The following PCDH11X variants were observed in gnomAD, a reference collection of about 807,000 sequenced individuals.
The protein encoded by PCDH11X is protocadherin 11 X-linked, also known as protocadherin-11 X-linked.
PCDH11X carries 18 observed loss-of-function variants against 53.3 expected under a neutral mutation model. That is an observed-to-expected ratio of 0.34 (90% confidence interval 0.23 to 0.50). The LOEUF is 0.50. Ranked by LOEUF, PCDH11X falls within the 20% of genes least tolerant of loss-of-function variation. The pLI is 0.98. For missense variants in PCDH11X, 570 were observed against 1,032.4 expected, an observed-to-expected ratio of 0.55 and a Z score of 6.14; for synonymous variants, 279 against 393.3, an observed-to-expected ratio of 0.71 and a Z score of 3.44.
At chrX:92,243,169 C>T (rs1371111192) in intron 7 of PCDH11X, among the ~76,000 whole-genome samples, 2 of 111,486 alleles carry the variant, frequency 1.8e-5, no homozygotes, top group East Asian at 5.6e-4. Flanking sequence ...TTTGCCTAAC[C>T]TTAAATTCTG....
chrX:92,337,380 G>A (rs1033951976), intron 8 of PCDH11X, among the ~76,000 whole-genome samples: 2 of 108,721 alleles, frequency 1.8e-5, no homozygotes, highest in African/African-American at 6.7e-5. Flanking sequence ...TAGACCTCTG[G>A]TTTCTGCCAA....
At chrX:92,105,564 G>C (rs756202483) in intron 6 of PCDH11X, among the ~76,000 whole-genome samples, 1 of 108,684 alleles carries the variant, frequency 9.2e-6, no homozygotes, top group East Asian at 3.0e-4. Flanking sequence ...GGGTGGGGCC[G>C]TTTTATAAGA....
chrX:92,383,461 G>T (rs1330812716), intron 8 of PCDH11X, among the ~76,000 whole-genome samples: 9 of 109,682 alleles, frequency 8.2e-5, no homozygotes, highest in Non-Finnish European at 1.7e-4. Flanking sequence ...TTCTCCTAAT[G>T]CTATCCCTCC....
At chrX:92,255,520 A>C (rs1361734691) in intron 7 of PCDH11X, among the ~76,000 whole-genome samples, 30 of 108,147 alleles carry the variant, frequency 2.8e-4, no homozygotes, top group African/African-American at 8.1e-4. Context: ...AGGCGCTCTG[A>C]TTTTTAGAGT....
intron 6 of PCDH11X, among the ~76,000 whole-genome samples, chrX:91,895,164 C>T (rs998475021): frequency 9.0e-6 from 1 of 111,696 alleles, no homozygotes; most frequent in Admixed American, 9.5e-5. Context: ...CTGTGGTATA[C>T]TTCAGTCAAA....
At chrX:91,809,056 T>A (rs1241583051) in intron 1 of PCDH11X, among the ~76,000 whole-genome samples, 1 of 106,345 alleles carries the variant, frequency 9.4e-6, no homozygotes, top group Non-Finnish European at 1.9e-5. Flanking sequence ...AAGTAAATTA[T>A]ATTACTTAGT....
intron 10 of PCDH11X, among the ~76,000 whole-genome samples, chrX:92,512,587 G>T (rs2074182746): frequency 9.0e-6 from 1 of 111,595 alleles, no homozygotes; most frequent in African/African-American, 3.3e-5. Context: ...GCAAAAGAAA[G>T]AAAAATGTCT....
chrX:91,963,008 C>T (rs1200555958), intron 6 of PCDH11X, among the ~76,000 whole-genome samples: 1 of 111,378 alleles, frequency 9.0e-6, no homozygotes, highest in Non-Finnish European at 1.9e-5. Context: ...CCCCCTAAGC[C>T]TCTAGGCCTG....
At chrX:92,524,674 C>T (rs1404194635) in intron 10 of PCDH11X, among the ~76,000 whole-genome samples, 5 of 109,712 alleles carry the variant, frequency 4.6e-5, no homozygotes, top group Admixed American at 9.8e-5. Flanking sequence ...TTAAATTTAT[C>T]ATCTGGTATT....
intron 10 of PCDH11X, among the ~76,000 whole-genome samples, chrX:92,519,360 A>G (rs2074329193): frequency 9.2e-6 from 1 of 108,707 alleles, no homozygotes; most frequent in South Asian, 4.1e-4. Flanking sequence ...ACATGATACA[A>G]AATTGATCTC....
At chrX:92,364,728 C>T (rs1350851431) in intron 8 of PCDH11X, among the ~76,000 whole-genome samples, 1 of 107,104 alleles carries the variant, frequency 9.3e-6, no homozygotes, top group Non-Finnish European at 1.9e-5. Context: ...GCCAAAAACA[C>T]ATTTTATAGC....
At chrX:92,123,741 C>T (rs1282728803) in intron 6 of PCDH11X, among the ~76,000 whole-genome samples, 2 of 106,186 alleles carry the variant, frequency 1.9e-5, no homozygotes, top group East Asian at 3.1e-4. Context: ...CCTAGAGTCT[C>T]GCAAACTTTC....
chrX:91,971,748 T>C (rs1053103723), intron 6 of PCDH11X, among the ~76,000 whole-genome samples: 7 of 112,030 alleles, frequency 6.2e-5, no homozygotes, highest in African/African-American at 2.3e-4. Context: ...GCTGATCTGT[T>C]CAGTTTTAAG....
In PCDH11X at chrX:92,324,015, T is replaced by G. The variant is rs1309022753; in HGVS notation, c.3144+60872T>G. Among the ~76,000 whole-genome samples, 6 of 105,420 alleles carry G rather than the reference T, an allele frequency of 5.7e-5. No individual in the cohort carries two copies. The East Asian group carries it at 1.8e-3, about 31-fold the overall frequency. 91.5% of individuals were successfully genotyped at this position (105,420 alleles called of 115,157 possible). ...ATCTAAGCCTATATAATATATTCTG[T>G]ATTTCTTTATTAAAATCATCTTAAG... is the stretch of plus-strand genomic sequence containing the variant. On this transcript the variant is annotated intron_variant, in intron 8 of 10. Coordinates refer to ENST00000682573, the MANE Select transcript of PCDH11X (RefSeq NM_032968.5).
At chrX:92,195,726 C>A (rs2066282503) in intron 6 of PCDH11X, among the ~76,000 whole-genome samples, 1 of 111,793 alleles carries the variant, frequency 8.9e-6, no homozygotes, top group Non-Finnish European at 1.9e-5. Flanking sequence ...CCATAGCTAT[C>A]AAATTGTTCT....
chrX:91,980,801 T>C (rs1474273175), intron 6 of PCDH11X, among the ~76,000 whole-genome samples: 2 of 108,984 alleles, frequency 1.8e-5, no homozygotes, highest in African/African-American at 6.7e-5. Flanking sequence ...ACATATCAAA[T>C]TATAAAACTG....
chrX:92,205,380 T>G (rs1167027910), intron 7 of PCDH11X, among the ~76,000 whole-genome samples: 1 of 111,393 alleles, frequency 9.0e-6, no homozygotes, highest in East Asian at 2.8e-4. Context: ...AGAATTATAC[T>G]ACTAGTTTAT....
intron 7 of PCDH11X, among the ~76,000 whole-genome samples, chrX:92,258,651 G>T (rs1244893126): frequency 8.9e-6 from 1 of 111,899 alleles, no homozygotes; most frequent in Non-Finnish European, 1.9e-5. Context: ...ACAGGCGTGA[G>T]CCACTGCATC....
chrX:91,941,474 T>C lies in PCDH11X; in HGVS notation c.3033+62201T>C, dbSNP rs1222285085. Among the ~76,000 whole-genome samples, 3 of 109,442 alleles carry C rather than the reference T, an allele frequency of 2.7e-5. No homozygotes were observed. In the East Asian group the frequency reaches 8.6e-4, roughly 32 times the overall value. ...TACTAATAGAGATCAAGCAAGATAG[T>C]TCATAATGTTAAAGGCATGCATTCA... On this transcript the variant is annotated intron_variant, in intron 6 of 10. Transcript: ENST00000682573.
Sources: allele counts gnomAD v4.1 joint callset (sites outside exome capture counted in the v4.1 genomes callset), GRCh38; gene constraint gnomAD v4.1.1; transcripts MANE v1.5; gene names NCBI Gene and HGNC (gene_info 2026-07-23, HGNC 2026-07-21).